NDUFAF2: variants seen among roughly 807,000 people sequenced by gnomAD.
NDUFAF2 encodes NADH:ubiquinone oxidoreductase complex assembly factor 2.
NDUFAF2 carries 13 observed loss-of-function variants against 22.8 expected under a neutral mutation model. The observed-to-expected ratio is 0.57, with a 90% confidence interval of 0.37 to 0.91. The LOEUF (loss-of-function observed/expected upper bound fraction) is 0.91, where lower values mean the gene tolerates loss of function less well. Ranked by LOEUF, NDUFAF2 falls within the 40% of genes least tolerant of loss-of-function variation. The pLI, the probability that NDUFAF2 is intolerant of heterozygous loss-of-function variation, is 0.01. For synonymous variants in NDUFAF2, 53 were observed against 64.2 expected, an observed-to-expected ratio of 0.83 and a Z score of 0.84; for missense variants, 162 against 195.2, an observed-to-expected ratio of 0.83 and a Z score of 1.01.
intron 3 of NDUFAF2, among the ~76,000 whole-genome samples, chr5:61,102,884 C>T (rs1425126262): frequency 6.7e-6 from 1 of 148,956 alleles, no homozygotes; most frequent in Non-Finnish European, 1.5e-5. Flanking sequence ...CTTAGCAACA[C>T]TAGTAATCAG....
chr5:61,073,629 A>C (rs1476892784), intron 2 of NDUFAF2, among the ~76,000 whole-genome samples: 2 of 152,236 alleles, frequency 1.3e-5, no homozygotes, highest in Non-Finnish European at 2.9e-5. Flanking sequence ...ATTATGCATA[A>C]TACTTGCTGT....
At chr5:60,997,611 GA>G (rs1412203733) in intron 1 of NDUFAF2, among the ~76,000 whole-genome samples, 10 of 152,064 alleles carry the variant, frequency 6.6e-5, no homozygotes, top group Admixed American at 6.5e-4. Context: ...ATTTTAACTA[GA>G]AAATAAAAGA....
intron 3 of NDUFAF2, among the ~76,000 whole-genome samples, chr5:61,138,823 C>T (rs1027270536): frequency 6.6e-6 from 1 of 152,154 alleles, no homozygotes; most frequent in Non-Finnish European, 1.5e-5. Context: ...GAGGCAGAAA[C>T]TTGTTTCAAG....
intron 2 of NDUFAF2, among the ~76,000 whole-genome samples, chr5:61,090,672 G>A (rs1326688192): frequency 6.6e-6 from 1 of 151,890 alleles, no homozygotes; most frequent in Non-Finnish European, 1.5e-5. Context: ...TTATACATAA[G>A]TAACTTTATT....
intron 2 of NDUFAF2, among the ~76,000 whole-genome samples, chr5:61,089,837 GA>G (rs1364547033): frequency 1.3e-5 from 2 of 151,808 alleles, no homozygotes; most frequent in African/African-American, 4.8e-5. Flanking sequence ...GTAAGCTTTA[GA>G]AAACATATAA....
intron 1 of NDUFAF2, among the ~76,000 whole-genome samples, chr5:60,995,640 C>T (rs1207768046): frequency 1.3e-5 from 2 of 152,222 alleles, no homozygotes; most frequent in Non-Finnish European, 2.9e-5. Flanking sequence ...GAAGCCAACA[C>T]AGCACTTGAT....
intron 1 of NDUFAF2, among the ~76,000 whole-genome samples, chr5:60,952,467 T>G (rs1204747501): frequency 6.6e-6 from 1 of 152,130 alleles, no homozygotes; most frequent in African/African-American, 2.4e-5. Flanking sequence ...TAGAAGTATG[T>G]TCTTTACAAA....
chr5:61,038,989 C>G lies in NDUFAF2; in HGVS notation c.128-34136C>G, dbSNP rs1304837692. Among the ~76,000 whole-genome samples, 2 of 151,774 alleles carry G rather than the reference C, an allele frequency of 1.3e-5. 1 individual carries two copies. Among genetic ancestry groups the G allele is most frequent in the Non-Finnish European group, 2.9e-5 (2 of 67,946 alleles). The stretch of plus-strand genomic sequence containing the variant: ...ACAATGTGATACTTCTTCATTATTA[C>G]TTGCTAAATTCCTTGTTTAAATGGT... On this transcript the variant is annotated intron_variant, in intron 1 of 3. Transcript: ENST00000296597.
intron 2 of NDUFAF2, among the ~76,000 whole-genome samples, chr5:61,096,583 G>A (rs1450079624): frequency 7.4e-6 from 1 of 134,598 alleles, no homozygotes; most frequent in Non-Finnish European, 1.5e-5. Flanking sequence ...TGGCAACAGA[G>A]TGAGACACCA....
intron 2 of NDUFAF2, among the ~76,000 whole-genome samples, chr5:61,096,955 CTG>C (rs1426679194): frequency 2.0e-5 from 3 of 151,438 alleles, no homozygotes; most frequent in South Asian, 2.1e-4. Context: ...CAGAGCGAGA[CTG>C]TCTCAAAAAA....
intron 1 of NDUFAF2, among the ~76,000 whole-genome samples, chr5:61,024,484 ATAG>A (rs1751626013): frequency 6.6e-6 from 1 of 152,096 alleles, no homozygotes; most frequent in South Asian, 2.1e-4. Context: ...GATAATAATA[ATAG>A]TAATAATAAT....
chr5:60,945,509 C>G (rs1372489891), intron 1 of NDUFAF2, 127 bp downstream of exon 1: 3 of 1,391,024 alleles, frequency 2.2e-6, no homozygotes, highest in Non-Finnish European at 3.0e-6. Context: ...GAGAGAATTT[C>G]CCGAGTTCGT....
At chr5:61,076,822 T>A (rs1279389575) in intron 2 of NDUFAF2, among the ~76,000 whole-genome samples, 1 of 152,198 alleles carries the variant, frequency 6.6e-6, no homozygotes, top group Non-Finnish European at 1.5e-5. Context: ...TAATTGTGAC[T>A]TGGGCCAGAG....
chr5:61,037,237 G>C (rs959203562), intron 1 of NDUFAF2, among the ~76,000 whole-genome samples: 6 of 152,106 alleles, frequency 3.9e-5, no homozygotes, highest in Non-Finnish European at 8.8e-5. Context: ...AAAAAGAAGA[G>C]ATTCATATGC....
intron 1 of NDUFAF2, among the ~76,000 whole-genome samples, chr5:61,056,954 T>TA (rs1752108301): frequency 3.0e-5 from 3 of 98,680 alleles, no homozygotes; most frequent in East Asian, 2.7e-4. Context: ...ATATATATAT[T>TA]TATATGGTGC....
chr5:61,100,464 C>T (rs993877709), intron 3 of NDUFAF2, among the ~76,000 whole-genome samples: 3 of 151,796 alleles, frequency 2.0e-5, no homozygotes, highest in Admixed American at 6.6e-5. Context: ...CAAAATGAGC[C>T]CTCTTTTGTT....
chr5:60,994,047 TC>T (rs1376198397), intron 1 of NDUFAF2, among the ~76,000 whole-genome samples: 1 of 152,126 alleles, frequency 6.6e-6, no homozygotes, highest in Non-Finnish European at 1.5e-5. Context: ...CTGCCCTCAG[TC>T]CCCCACGGCT....
intron 1 of NDUFAF2, among the ~76,000 whole-genome samples, chr5:60,971,941 T>C (rs1750837275): frequency 6.9e-6 from 1 of 144,106 alleles, no homozygotes; most frequent in African/African-American, 2.6e-5. Flanking sequence ...CCCCCTCCCT[T>C]TTTTTTTTTT....
chr5:60,959,668 G>C (rs1243732313), intron 1 of NDUFAF2, among the ~76,000 whole-genome samples: 1 of 152,010 alleles, frequency 6.6e-6, no homozygotes, highest in Non-Finnish European at 1.5e-5. Context: ...CTTCGGTTTA[G>C]TGATATCTAT....
Sources: gnomAD v4.1 joint callset for allele counts (sites outside exome capture counted in the v4.1 genomes callset) on GRCh38, gnomAD v4.1.1 for gene constraint, MANE v1.5 for transcripts, NCBI Gene and HGNC (gene_info 2026-07-23, HGNC 2026-07-21) for gene names.